Variants in SRSF11 observed in about 807,000 individuals in gnomAD.
The protein encoded by SRSF11 is serine and arginine rich splicing factor 11.
Under a neutral mutation model 56.0 loss-of-function variants are expected in SRSF11, and 9 were observed. The observed-to-expected ratio is 0.16, with a 90% CI of 0.10 to 0.28. The LOEUF (loss-of-function observed/expected upper bound fraction) is 0.28. Among genes scored for constraint, SRSF11 ranks in the 10% least tolerant of loss-of-function variants. The probability of loss-of-function intolerance (pLI) is 1.00; values close to 1 mark genes in which losing one functional copy is unlikely to be tolerated. For synonymous variants in SRSF11, 222 were observed against 215.3 expected (o/e 1.03, Z -0.27); for missense variants, 421 against 600.7 (o/e 0.70, Z 3.13).
At chr1:70,212,590 G>C (rs964250627) in intron 1 of SRSF11, among the ~76,000 whole-genome samples, 4 of 152,098 alleles carry the variant, frequency 2.6e-5, no homozygotes, top group African/African-American at 9.7e-5. Flanking sequence ...AGGTACAGTT[G>C]TTTGTGTCTT....
At chr1:70,231,050 C>G in intron 2 of SRSF11, 1 of 1,289,294 alleles carries the variant, frequency 7.8e-7, no homozygotes, top group Non-Finnish European at 1.0e-6. Flanking sequence ...GAACCATTAC[C>G]TTTATTTAAC....
intron 9 of SRSF11, chr1:70,247,169 G>GTT (rs1052441520): frequency 2.1e-6 from 2 of 950,182 alleles, no homozygotes; most frequent in Non-Finnish European, 2.6e-6. Flanking sequence ...TCTCTTTATA[G>GTT]TTTAAGTTTT....
intron 2 of SRSF11, chr1:70,228,759 C>T: frequency 1.6e-6 from 2 of 1,222,736 alleles, no homozygotes; most frequent in Non-Finnish European, 2.0e-6. Flanking sequence ...AGGTATTTAC[C>T]TTTTGTTTTC....
At chr1:70,248,942 G>A (rs912778371) in intron 9 of SRSF11, 1 of 152,152 alleles carries the variant, frequency 6.6e-6, no homozygotes, top group Non-Finnish European at 1.5e-5. Context: ...TATGTGTAAC[G>A]TTTCCAGGAC....
At position 70,251,485 on chromosome 1, in the gene SRSF11, G is replaced by A. The variant is rs530901794; in HGVS notation, c.*680G>A. The A allele has an allele frequency of 6.6e-6, 1 of 152,596 alleles. No homozygotes were observed. The highest frequency in any genetic ancestry group is 1.9e-4 in the East Asian group (1 of 5,180). 9.5% of individuals were successfully genotyped at this position (152,596 alleles called of 1,614,324 possible). A position where few individuals can be genotyped will look rare whatever the true frequency, so the allele number is the denominator to read the frequency against. On this transcript the variant is annotated 3_prime_UTR_variant, in exon 12 of 12. Transcript: ENST00000370949. ...AACTGTCTTTGGCAGTGAGTAAATA[G>A]CATATTTTGAAGTAGAGTTGTATAC...
At chr1:70,221,264 A>G (rs1670529665), upstream of SRSF11, 1 of 248,696 alleles carries the variant, frequency 4.0e-6, no homozygotes, top group Non-Finnish European at 7.6e-6. Flanking sequence ...ACCTTTCTCT[A>G]GACCCCGGTG....
chr1:70,245,135 C>T (rs148623572), intron 8 of SRSF11, among the ~76,000 whole-genome samples: 1,809 of 152,260 alleles, frequency 0.012, 27 homozygotes, highest in Non-Finnish European at 0.014. Context: ...CCAGTCTTTT[C>T]GTGTAGAACC....
chr1:70,217,963 TTTTTTTGTTTG>T (rs1670166395), upstream of SRSF11, among the ~76,000 whole-genome samples: 1 of 146,918 alleles, frequency 6.8e-6, no homozygotes, highest in Non-Finnish European at 1.5e-5. Flanking sequence ...AGGGGTGGGT[TTTTTTTGTTTG>T]TTTTTTGTGT....
At chr1:70,213,676 T>C (rs952477708) in intron 1 of SRSF11, among the ~76,000 whole-genome samples, 27 of 152,304 alleles carry the variant, frequency 1.8e-4, no homozygotes, top group African/African-American at 6.5e-4. Context: ...TATAGAATAG[T>C]CATTATAATA....
intron 6 of SRSF11, 132 bp downstream of exon 6, chr1:70,237,684 A>C: frequency 8.0e-7 from 1 of 1,246,308 alleles, no homozygotes; most frequent in Non-Finnish European, 1.1e-6. Context: ...TGTATAGTGG[A>C]GTGCCACTCA....
chr1:70,247,015 T>TA, intron 9 of SRSF11, 108 bp downstream of exon 9: 4 of 1,123,894 alleles, frequency 3.6e-6, no homozygotes, highest in Non-Finnish European at 4.8e-6. Flanking sequence ...TATTTCAGTG[T>TA]TGAAAAAAGT....
At chr1:70,214,763 C>T (rs978113747) in intron 1 of SRSF11, among the ~76,000 whole-genome samples, 4 of 151,754 alleles carry the variant, frequency 2.6e-5, no homozygotes, top group South Asian at 4.2e-4. Context: ...AGAATAGGAG[C>T]GTGGGATTTA....
At chr1:70,238,721 G>C (rs150184125) in intron 6 of SRSF11, among the ~76,000 whole-genome samples, 165 of 152,294 alleles carry the variant, frequency 1.1e-3, no homozygotes, top group African/African-American at 3.7e-3. Context: ...CAAATATTGA[G>C]TCTGTGAAGA....
At chr1:70,245,883 T>G (rs576564352) in intron 8 of SRSF11, among the ~76,000 whole-genome samples, 2 of 152,162 alleles carry the variant, frequency 1.3e-5, no homozygotes, top group African/African-American at 4.8e-5. Flanking sequence ...TTTAAAAGAT[T>G]TCTGACAGAG....
rs1675830515 is a variant in SRSF11 at position 70,242,950 on chromosome 1, A to G, written c.801-1734A>G. On this transcript the variant is annotated intron_variant, in intron 7 of 11. Transcript: ENST00000370949. ...TGGTAGGGTAGTTAAGTAGATAAAA[A>G]CATCTTAGGATGTGGAGATGTTATT... Among the ~76,000 whole-genome samples, 3 of 152,166 alleles carry G rather than the reference A, an allele frequency of 2.0e-5. No individual in the cohort carries two copies. In the South Asian group the frequency reaches 6.2e-4, roughly 32 times the overall value.
At chr1:70,236,491 C>T (rs1180580130) in intron 5 of SRSF11, among the ~76,000 whole-genome samples, 4 of 151,880 alleles carry the variant, frequency 2.6e-5, no homozygotes, top group African/African-American at 7.3e-5. Flanking sequence ...CCACCACATC[C>T]GGCTAATTTT....
chr1:70,226,963 G>C (rs1157246477), intron 1 of SRSF11, among the ~76,000 whole-genome samples: 1 of 152,204 alleles, frequency 6.6e-6, no homozygotes, highest in Non-Finnish European at 1.5e-5. Flanking sequence ...CAGTAAGCCT[G>C]TATAACAAGG....
chr1:70,212,317 C>T (rs532390544), intron 1 of SRSF11, among the ~76,000 whole-genome samples: 7 of 152,196 alleles, frequency 4.6e-5, no homozygotes, highest in Non-Finnish European at 7.4e-5. Flanking sequence ...AGTGCAGCGA[C>T]GAGATCTTGG....
chr1:70,213,127 T>C (rs538014680), intron 1 of SRSF11, among the ~76,000 whole-genome samples: 29 of 152,272 alleles, frequency 1.9e-4, no homozygotes, highest in East Asian at 1.2e-3. Flanking sequence ...CATGTAACAT[T>C]TGTTGGGTGC....
Sources: gnomAD v4.1 joint callset for allele counts (sites outside exome capture counted in the v4.1 genomes callset) on GRCh38, gnomAD v4.1.1 for gene constraint, MANE v1.5 for transcripts, NCBI Gene and HGNC (gene_info 2026-07-23, HGNC 2026-07-21) for gene names.